The following TAB2 variants were observed in gnomAD, a reference collection of about 807,000 sequenced individuals.
The protein encoded by TAB2 is TGF-beta activated kinase 1 (MAP3K7) binding protein 2, also known as TGF-beta-activated kinase 1 and MAP3K7-binding protein 2.
Under a neutral mutation model 65.0 loss-of-function variants are expected in TAB2, and 3 were observed. The ratio of observed to expected loss-of-function variants is 0.05; its 90% CI spans 0.02 to 0.12. The LOEUF (loss-of-function observed/expected upper bound fraction) is 0.12, where lower values mean the gene tolerates loss of function less well. Ranked by LOEUF, TAB2 falls within the 10% of genes least tolerant of loss-of-function variation. The pLI, the probability that TAB2 is intolerant of heterozygous loss-of-function variation, is 1.00. For missense variants in TAB2, 623 were observed against 840.3 expected (o/e 0.74, Z 3.20); for synonymous variants, 298 against 285.1 (o/e 1.05, Z -0.46).
At chr6:149,360,338 G>A (rs1387449138) in intron 1 of TAB2, among the ~76,000 whole-genome samples, 4 of 152,166 alleles carry the variant, frequency 2.6e-5, no homozygotes, top group Admixed American at 6.5e-5. Context: ...GCCAAGCATC[G>A]GCTCACCTTT....
chr6:149,333,023 T>C (rs1022402736), intron 1 of TAB2, among the ~76,000 whole-genome samples: 22 of 152,262 alleles, frequency 1.4e-4, no homozygotes, highest in African/African-American at 5.1e-4. Flanking sequence ...ATGTGTATTA[T>C]AATTATCTGT....
chr6:149,317,437 CCT>C, upstream of TAB2: 1 of 162,774 alleles, frequency 6.1e-6, no homozygotes, highest in Non-Finnish European at 1.3e-5. The surrounding 1 kb of genome is among the most constrained non-coding windows in gnomAD (Gnocchi z 4.7). Flanking sequence ...GCCGCCGCCG[CCT>C]GCTGCTCCCC....
At chr6:149,376,104 T>C (rs1781387954) in intron 2 of TAB2, among the ~76,000 whole-genome samples, 1 of 152,222 alleles carries the variant, frequency 6.6e-6, no homozygotes, top group Non-Finnish European at 1.5e-5. Context: ...TCCAGGCTTA[T>C]TTGAATTGTT....
At chr6:149,336,578 G>A (rs1323781069) in intron 1 of TAB2, among the ~76,000 whole-genome samples, 1 of 152,142 alleles carries the variant, frequency 6.6e-6, no homozygotes, top group Non-Finnish European at 1.5e-5. Context: ...GATTCATAAA[G>A]CATTGACCTA....
At chr6:149,278,334 G>C (rs1778514571) in intron 1 of TAB2, among the ~76,000 whole-genome samples, 1 of 152,178 alleles carries the variant, frequency 6.6e-6, no homozygotes, top group Admixed American at 6.5e-5. Context: ...CATAAGCTAT[G>C]AGTTTTAGGC....
intron 1 of TAB2, among the ~76,000 whole-genome samples, chr6:149,273,306 GA>G (rs1778398885): frequency 6.6e-6 from 1 of 152,210 alleles, no homozygotes; most frequent in East Asian, 1.9e-4. Context: ...GGAAAAAGAA[GA>G]TGGAGGGAAA....
At position 149,357,410 on chromosome 6, in the gene TAB2, C is replaced by T. The variant is rs1427069849; in HGVS notation, c.-89-12499C>T. 3.4e-4 allele frequency among the ~76,000 whole-genome samples: 22 copies of T among 65,624 alleles called. No homozygotes were observed. The South Asian group carries it at 0.012, about 36-fold the overall frequency. The allele number at this position is 65,624 out of a possible 152,430, so 43.1% of individuals were successfully genotyped here. On this transcript the variant is annotated intron_variant, in intron 1 of 6. Coordinates refer to ENST00000637181, the MANE Select transcript of TAB2 (RefSeq NM_001292034.3). ...CAGCCTGGGCAATAGAGGGAGACTC[C>T]GTCTCAAGGAGAAAAAAAAAACACA...
In TAB2 at chr6:149,230,130, A is replaced by G. The variant is rs763284182; in HGVS notation, c.-121+11354A>G. 40 of 152,196 alleles carry G rather than the reference A, an allele frequency of 2.6e-4. 1 individual carries two copies. Among genetic ancestry groups the G allele is most frequent in the Admixed American group, 5.2e-4 (8 of 15,280 alleles). 9.4% of individuals were successfully genotyped at this position (152,196 alleles called of 1,614,324 possible). A position where few individuals can be genotyped will look rare whatever the true frequency, so the allele number is the denominator to read the frequency against. ...TTCTTCCAGGCCAAATACCTACTGG[A>G]TGAAACTGATAAAATTAAACAAAGA... On this transcript the variant is annotated intron_variant, in intron 1 of 1. Coordinates refer to the TAB2 transcript ENST00000606202.
At chr6:149,362,249 A>T (rs1780875580) in intron 1 of TAB2, among the ~76,000 whole-genome samples, 1 of 152,228 alleles carries the variant, frequency 6.6e-6, no homozygotes, top group African/African-American at 2.4e-5. Flanking sequence ...TCAGAATGAA[A>T]AGAGGTTTAA....
intron 1 of TAB2, among the ~76,000 whole-genome samples, chr6:149,350,050 G>C (rs942342628): frequency 1.6e-4 from 24 of 152,034 alleles, no homozygotes; most frequent in Non-Finnish European, 3.2e-4. Flanking sequence ...TTTTGCCTCA[G>C]CCTCCCGAGT....
chr6:149,276,727 G>A (rs61259206), intron 1 of TAB2, among the ~76,000 whole-genome samples: 1 of 152,240 alleles, frequency 6.6e-6, no homozygotes, highest in African/African-American at 2.4e-5. Flanking sequence ...ACATAAATTG[G>A]TAAAACCCCA....
intron 1 of TAB2, among the ~76,000 whole-genome samples, chr6:149,219,986 T>C (rs1272882266): frequency 6.6e-6 from 1 of 152,210 alleles, no homozygotes; most frequent in Non-Finnish European, 1.5e-5. Flanking sequence ...TTTTAAACAA[T>C]TGATTAATTT....
intron 3 of TAB2, among the ~76,000 whole-genome samples, chr6:149,384,502 G>A (rs1370188968): frequency 1.3e-5 from 2 of 152,124 alleles, no homozygotes; most frequent in East Asian, 3.8e-4. Context: ...ACAGGAATCA[G>A]AGACAAAAGT....
intron 1 of TAB2, among the ~76,000 whole-genome samples, chr6:149,306,279 G>A (rs891589487): frequency 6.6e-6 from 1 of 152,066 alleles, no homozygotes; most frequent in African/African-American, 2.4e-5. Flanking sequence ...GGTGGCTCAC[G>A]CCTGTAATCC....
At chr6:149,347,885 A>G (rs1303019677) in intron 1 of TAB2, among the ~76,000 whole-genome samples, 1 of 152,156 alleles carries the variant, frequency 6.6e-6, no homozygotes, top group Non-Finnish European at 1.5e-5. Flanking sequence ...GTATGTACTT[A>G]GGTAATATGA....
At chr6:149,337,595 ACT>A (rs2114769128) in intron 1 of TAB2, among the ~76,000 whole-genome samples, 1 of 152,272 alleles carries the variant, frequency 6.6e-6, no homozygotes, top group African/African-American at 2.4e-5. Context: ...AAAGGGTCAA[ACT>A]CTTCTTAGCT....
chr6:149,403,427 TA>T (rs1038605608), intron 6 of TAB2, among the ~76,000 whole-genome samples: 5 of 147,984 alleles, frequency 3.4e-5, no homozygotes, highest in African/African-American at 1.3e-4. Context: ...AAAAACCCCA[TA>T]GGTAATATAA....
At chr6:149,251,151 C>T (rs1328757270) in intron 1 of TAB2, among the ~76,000 whole-genome samples, 1 of 152,168 alleles carries the variant, frequency 6.6e-6, no homozygotes, top group African/African-American at 2.4e-5. Context: ...AGATGCAGTA[C>T]CATAATCAAC....
intron 1 of TAB2, among the ~76,000 whole-genome samples, chr6:149,233,674 C>T (rs1669450463): frequency 6.6e-6 from 1 of 152,222 alleles, no homozygotes; most frequent in African/African-American, 2.4e-5. Context: ...GTCCTGCTTT[C>T]CTTTACACTT....
Sources: allele counts gnomAD v4.1 joint callset (sites outside exome capture counted in the v4.1 genomes callset), GRCh38; gene constraint gnomAD v4.1.1; non-coding constraint Gnocchi (gnomAD v3.1); transcripts MANE v1.5; gene names NCBI Gene and HGNC (gene_info 2026-07-23, HGNC 2026-07-21).